SPOCK1: variants seen among roughly 807,000 people sequenced by gnomAD.
SPOCK1 encodes the protein SPARC (osteonectin), cwcv and kazal like domains proteoglycan 1.
In SPOCK1, 23 loss-of-function variants were observed where a neutral mutation model predicts 55.3. The observed-to-expected ratio is 0.42, with a 90% CI of 0.30 to 0.59. The LOEUF is 0.59. Ranked by LOEUF, SPOCK1 falls within the 20% of genes least tolerant of loss-of-function variation. The pLI, the probability that SPOCK1 is intolerant of heterozygous loss-of-function variation, is 0.22. For missense variants in SPOCK1, 499 were observed against 552.5 expected (o/e 0.90, Z 0.97); for synonymous variants, 226 against 221.0 (o/e 1.02, Z -0.20).
At chr5:137,325,577 C>T (rs1758060556) in intron 2 of SPOCK1, among the ~76,000 whole-genome samples, 1 of 152,200 alleles carries the variant, frequency 6.6e-6, no homozygotes, top group South Asian at 2.1e-4. Flanking sequence ...TTAATTATAT[C>T]ACTCAATGAT....
intron 2 of SPOCK1, among the ~76,000 whole-genome samples, chr5:137,368,221 G>T (rs1249740647): frequency 6.6e-6 from 1 of 152,168 alleles, no homozygotes; most frequent in Non-Finnish European, 1.5e-5. Flanking sequence ...GTTGTTTCCA[G>T]GCATGAACAT....
intron 2 of SPOCK1, among the ~76,000 whole-genome samples, chr5:137,428,496 T>A (rs1236931667): frequency 6.6e-6 from 1 of 152,212 alleles, no homozygotes; most frequent in Non-Finnish European, 1.5e-5. Context: ...CTGGACCTCA[T>A]GGAATCTAAC....
intron 6 of SPOCK1, among the ~76,000 whole-genome samples, chr5:137,024,847 G>A (rs1427268361): frequency 6.6e-6 from 1 of 152,022 alleles, no homozygotes; most frequent in Non-Finnish European, 1.5e-5. Flanking sequence ...TCCAAGATGT[G>A]GAAATAACCT....
At chr5:137,245,775 A>C (rs1179446952) in intron 3 of SPOCK1, among the ~76,000 whole-genome samples, 2,191 of 65,658 alleles carry the variant, frequency 0.033, 57 homozygotes, top group African/African-American at 0.16. Flanking sequence ...ACAAAACAAA[A>C]CAAAAAAAAA....
intron 3 of SPOCK1, among the ~76,000 whole-genome samples, chr5:137,145,845 T>C (rs1754181182): frequency 1.3e-5 from 2 of 152,160 alleles, no homozygotes; most frequent in African/African-American, 4.8e-5. Context: ...TAACAGGAAG[T>C]TGTCTTTCCA....
At chr5:137,393,086 C>G (rs1210344866) in intron 2 of SPOCK1, among the ~76,000 whole-genome samples, 1 of 152,116 alleles carries the variant, frequency 6.6e-6, no homozygotes, top group Non-Finnish European at 1.5e-5. Context: ...CTGCCCACCC[C>G]CTGCATCTAT....
chr5:137,222,065 C>G (rs959533387), intron 3 of SPOCK1, among the ~76,000 whole-genome samples: 2 of 152,194 alleles, frequency 1.3e-5, no homozygotes, highest in African/African-American at 4.8e-5. Context: ...CAGCATGAAG[C>G]CTCGAGTTTT....
intron 3 of SPOCK1, among the ~76,000 whole-genome samples, chr5:137,193,579 T>C (rs1403786385): frequency 6.6e-6 from 1 of 152,154 alleles, no homozygotes; most frequent in African/African-American, 2.4e-5. Flanking sequence ...CACCATAGAA[T>C]ATCACGAGAA....
chr5:137,039,778 A>G (rs1751959800), intron 6 of SPOCK1, among the ~76,000 whole-genome samples: 1 of 152,236 alleles, frequency 6.6e-6, no homozygotes, highest in African/African-American at 2.4e-5. Flanking sequence ...AAAGAGAAGA[A>G]CAGAGCAGCC....
At chr5:137,260,944 T>C (rs531797035) in intron 3 of SPOCK1, among the ~76,000 whole-genome samples, 2 of 152,114 alleles carry the variant, frequency 1.3e-5, no homozygotes, top group African/African-American at 4.8e-5. Flanking sequence ...GTAGTTGCTG[T>C]TGGGGAAAGC....
intron 2 of SPOCK1, among the ~76,000 whole-genome samples, chr5:137,328,293 G>C (rs973060619): frequency 6.6e-6 from 1 of 152,238 alleles, no homozygotes; most frequent in African/African-American, 2.4e-5. Flanking sequence ...TCTGAGGACA[G>C]AGATGGCGGG....
intron 2 of SPOCK1, among the ~76,000 whole-genome samples, chr5:137,380,075 A>G (rs1207838390): frequency 6.6e-6 from 1 of 152,200 alleles, no homozygotes; most frequent in Non-Finnish European, 1.5e-5. Flanking sequence ...CCTAAGACCC[A>G]CACCTAATAA....
intron 2 of SPOCK1, among the ~76,000 whole-genome samples, chr5:137,444,932 A>T (rs1445019258): frequency 6.6e-6 from 1 of 152,182 alleles, no homozygotes; most frequent in Non-Finnish European, 1.5e-5. Flanking sequence ...CCCAGCTCCT[A>T]GTCCAAATAC....
intron 3 of SPOCK1, among the ~76,000 whole-genome samples, chr5:137,169,136 AATTGAATGTATGG>A: frequency 6.6e-6 from 1 of 152,254 alleles, no homozygotes; most frequent in East Asian, 1.9e-4. Context: ...ACATTAAAAC[AATTGAATGTATGG>A]ATATAGAGAA....
chr5:137,113,194 T>A (rs1753508559), intron 4 of SPOCK1, among the ~76,000 whole-genome samples: 1 of 152,174 alleles, frequency 6.6e-6, no homozygotes, highest in South Asian at 2.1e-4. Context: ...CAGCTCAAGT[T>A]TTTCCCCATT....
At position 136,977,683 on chromosome 5, in the gene SPOCK1, C is replaced by T. The variant is rs1050195021; in HGVS notation, c.*971G>A. On this transcript the variant is annotated 3_prime_UTR_variant, in exon 11 of 11. Coordinates refer to ENST00000394945, the MANE Select transcript of SPOCK1 (RefSeq NM_004598.4). ...ATGAAAGAGATGGCTTGTGAAGCTG[C>T]CCGTGTCGTGTGGGAGTCGCATGGC... 5.0e-6 allele frequency: 2 copies of T among 397,454 alleles called. No homozygotes were observed. The highest frequency in any genetic ancestry group is 8.9e-6 in the Non-Finnish European group (2 of 225,530). The allele number at this position is 397,454 out of a possible 1,614,324, so 24.6% of individuals were successfully genotyped here.
chr5:137,122,259 A>G (rs6885831), intron 4 of SPOCK1, among the ~76,000 whole-genome samples: 9 of 147,856 alleles, frequency 6.1e-5, no homozygotes, highest in East Asian at 1.9e-4. Flanking sequence ...ACACACACGC[A>G]CACACACACA....
intron 2 of SPOCK1, among the ~76,000 whole-genome samples, chr5:137,453,177 AC>A (rs1753293205): frequency 6.6e-6 from 1 of 152,264 alleles, no homozygotes; most frequent in African/African-American, 2.4e-5. Flanking sequence ...AAAACTAAAA[AC>A]CAGAGCCCAC....
chr5:137,455,800 G>A (rs535693508), intron 2 of SPOCK1, among the ~76,000 whole-genome samples: 94 of 152,136 alleles, frequency 6.2e-4, no homozygotes, highest in African/African-American at 2.0e-3. Flanking sequence ...AGGTCGAGGT[G>A]GGAGGATCGC....
Sources: allele counts gnomAD v4.1 joint callset (sites outside exome capture counted in the v4.1 genomes callset), GRCh38; gene constraint gnomAD v4.1.1; transcripts MANE v1.5; gene names NCBI Gene and HGNC (gene_info 2026-07-23, HGNC 2026-07-21).